VPS13A: variants seen among roughly 807,000 people sequenced by gnomAD.
VPS13A encodes the protein vacuolar protein sorting 13 homolog A.
A neutral mutation model predicts 390.9 loss-of-function variants in VPS13A; 264 were observed. The observed-to-expected ratio is 0.68, with a 90% confidence interval of 0.61 to 0.75. VPS13A has a LOEUF of 0.75. Among genes scored for constraint, VPS13A ranks in the 30% least tolerant of loss-of-function variants. The pLI, the probability that VPS13A is intolerant of heterozygous loss-of-function variation, is 0.00. For missense variants in VPS13A, 3,409 were observed against 3,733.9 expected, an observed-to-expected ratio of 0.91 and a Z score of 2.27; for synonymous variants, 1,231 against 1,227.1, an observed-to-expected ratio of 1.00 and a Z score of -0.07.
At chr9:77,341,474 G>A (rs1009904364) in intron 50 of VPS13A, among the ~76,000 whole-genome samples, 2 of 152,058 alleles carry the variant, frequency 1.3e-5, no homozygotes, top group African/African-American at 4.8e-5. Context: ...TTTACCCCTA[G>A]ATCTGTGGAT....
chr9:77,386,695 CTTTA>C (rs1449765634), intron 68 of VPS13A, among the ~76,000 whole-genome samples: 16 of 137,696 alleles, frequency 1.2e-4, no homozygotes, highest in African/African-American at 4.0e-4. Context: ...GAGATGTGCT[CTTTA>C]TTTTTTTTTT....
chr9:77,321,807 T>C (rs1829765554), intron 44 of VPS13A, 61 bp downstream of exon 44: 5 of 1,578,016 alleles, frequency 3.2e-6, no homozygotes, highest in Non-Finnish European at 3.5e-6. Context: ...ATTTACATGT[T>C]ATTTTACTCT....
intron 44 of VPS13A, 68 bp downstream of exon 44, chr9:77,321,814 C>G (rs1829765693): frequency 1.3e-6 from 2 of 1,569,074 alleles, no homozygotes; most frequent in Admixed American, 1.7e-5. Context: ...TGTTATTTTA[C>G]TCTTTTGTAG....
chr9:77,226,024 T>C, intron 14 of VPS13A, 36 bp downstream of exon 14: 1 of 1,538,340 alleles, frequency 6.5e-7, no homozygotes, highest in Non-Finnish European at 9.0e-7. Flanking sequence ...AAAATAATTC[T>C]GAATTCCATA....
At chr9:77,344,514 T>A (rs968131913) in intron 51 of VPS13A, among the ~76,000 whole-genome samples, 2 of 152,092 alleles carry the variant, frequency 1.3e-5, no homozygotes, top group Non-Finnish European at 1.5e-5. Context: ...CACCAGCACT[T>A]TGGGAGGCCG....
At position 77,295,575 on chromosome 9, in the gene VPS13A, G is replaced by A; in HGVS notation, c.3541G>A (p.Ala1181Thr). Residue 1181 changes from alanine to threonine, a missense_variant, in exon 33 of 72, where the codon GCC becomes ACC. Physicochemically the swap from Ala to Thr is moderately conservative, Grantham distance 58. This residue lies in a region of VPS13A where 2,717 missense variants were observed against 2,917.4 expected (regional missense o/e 0.93). Transcript: ENST00000360280. Reference protein sequence around the residue: ...FIDNFQAAKQALAEATVQAAG... With the variant: ...FIDNFQAAKQTLAEATVQAAG... ...AGATAATTTTCAGGCAGCTAAACAA[G>A]CCTTGGCTGAGGCAACTGTTCAGGC... 1 of 1,611,596 alleles carries A rather than the reference G, an allele frequency of 6.2e-7. No homozygotes were observed.
intron 23 of VPS13A, among the ~76,000 whole-genome samples, chr9:77,267,459 A>G (rs1416829021): frequency 6.6e-6 from 1 of 152,200 alleles, no homozygotes; most frequent in South Asian, 2.1e-4. Flanking sequence ...TTGGAGGTCC[A>G]CTGCAGACCC....
chr9:77,177,889 CT>C (rs1823737103), intron 1 of VPS13A, 85 bp downstream of exon 1: 1 of 1,239,546 alleles, frequency 8.1e-7, no homozygotes, highest in Non-Finnish European at 1.1e-6. Flanking sequence ...GTTCTCGGGG[CT>C]TCGAGCACCT....
At chr9:77,181,361 C>T (rs965715778) in intron 1 of VPS13A, among the ~76,000 whole-genome samples, 3 of 151,574 alleles carry the variant, frequency 2.0e-5, no homozygotes, top group African/African-American at 4.8e-5. Context: ...AAATAAGATA[C>T]AAAAATTAGC....
At chr9:77,183,325 C>T (rs1717234048) in intron 1 of VPS13A, among the ~76,000 whole-genome samples, 1 of 152,188 alleles carries the variant, frequency 6.6e-6, no homozygotes, top group African/African-American at 2.4e-5. Context: ...ACATATCTGT[C>T]ATACCTAGAA....
At chr9:77,332,871 AAC>A (rs1489191828) in intron 46 of VPS13A, among the ~76,000 whole-genome samples, 3 of 152,200 alleles carry the variant, frequency 2.0e-5, no homozygotes, top group Non-Finnish European at 4.4e-5. Flanking sequence ...CAAAACTGCA[AAC>A]AGTGCTTACC....
intron 67 of VPS13A, among the ~76,000 whole-genome samples, chr9:77,380,967 A>G (rs1240923079): frequency 1.3e-5 from 2 of 152,218 alleles, no homozygotes; most frequent in Non-Finnish European, 2.9e-5. Flanking sequence ...AGTTCCTAAC[A>G]GGCTATGGAC....
chr9:77,189,802 T>C (rs1426672261), intron 1 of VPS13A, among the ~76,000 whole-genome samples: 1 of 152,224 alleles, frequency 6.6e-6, no homozygotes, highest in Non-Finnish European at 1.5e-5. Context: ...CAATTCTCAT[T>C]GTAGAGATCT....
chr9:77,199,580 A>G (rs1267735776), intron 1 of VPS13A, among the ~76,000 whole-genome samples: 13 of 152,138 alleles, frequency 8.5e-5, no homozygotes, highest in Admixed American at 8.5e-4. Context: ...TGCATTAAAT[A>G]ATTTTTTCTC....
At chr9:77,314,307 T>C (rs1263759315) in intron 36 of VPS13A, among the ~76,000 whole-genome samples, 188 bp downstream of exon 36, 1 of 152,188 alleles carries the variant, frequency 6.6e-6, no homozygotes, top group Non-Finnish European at 1.5e-5. Context: ...ATCATATAGC[T>C]AATGTGAAAA....
intron 31 of VPS13A, among the ~76,000 whole-genome samples, chr9:77,289,120 CAA>C (rs1211671017): frequency 6.6e-6 from 1 of 152,058 alleles, no homozygotes; most frequent in African/African-American, 2.4e-5. Context: ...TTTTTTGATG[CAA>C]AGTCTCACTG....
chr9:77,263,905 C>T (rs1825891389), intron 23 of VPS13A, among the ~76,000 whole-genome samples: 1 of 152,176 alleles, frequency 6.6e-6, no homozygotes, highest in Admixed American at 6.5e-5. Context: ...TTTAATCCAT[C>T]TTGAATTAAT....
chr9:77,180,090 T>C (rs1248943071), intron 1 of VPS13A, among the ~76,000 whole-genome samples: 2 of 152,224 alleles, frequency 1.3e-5, no homozygotes, highest in Non-Finnish European at 2.9e-5. Context: ...TAGACCACAA[T>C]TTATTTATCT....
chr9:77,204,781 C>T (rs566439822), intron 3 of VPS13A, among the ~76,000 whole-genome samples: 12 of 152,108 alleles, frequency 7.9e-5, no homozygotes, highest in South Asian at 2.1e-4. Flanking sequence ...CATACTGTCA[C>T]GCCTGGCTAA....
Sources: gnomAD v4.1 joint callset for allele counts (sites outside exome capture counted in the v4.1 genomes callset) on GRCh38, gnomAD v4.1.1 for gene constraint, gnomAD v4.1.1 regional missense constraint, MANE v1.5 for transcripts, NCBI Gene and HGNC (gene_info 2026-07-23, HGNC 2026-07-21) for gene names.